SMAD3: variants seen among roughly 807,000 people sequenced by gnomAD.
SMAD3 encodes the protein MAD homolog 3.
In SMAD3, 12 loss-of-function variants were observed where a neutral mutation model predicts 51.8. The observed-to-expected ratio is 0.23, with a 90% CI of 0.15 to 0.38. SMAD3 has a LOEUF of 0.38. SMAD3 is among the 10% of genes least tolerant of loss of function. The pLI is 1.00. For synonymous variants in SMAD3, 238 were observed against 227.7 expected, an observed-to-expected ratio of 1.05 and a Z score of -0.41; for missense variants, 294 against 565.6, an observed-to-expected ratio of 0.52 and a Z score of 4.87.
chr15:67,182,552 C>T (rs1370977932), intron 6 of SMAD3, among the ~76,000 whole-genome samples: 1 of 152,094 alleles, frequency 6.6e-6, no homozygotes, highest in East Asian at 1.9e-4. Context: ...CCTCTGCACT[C>T]GCTTGCTTTA....
At chr15:67,146,759 A>G (rs1309125190) in intron 1 of SMAD3, among the ~76,000 whole-genome samples, 2 of 152,102 alleles carry the variant, frequency 1.3e-5, no homozygotes, top group South Asian at 2.1e-4. Context: ...TTTAAGGTGT[A>G]TGGGGACAAA....
At chr15:67,177,160 G>A (rs1457104749) in intron 5 of SMAD3, among the ~76,000 whole-genome samples, 1 of 152,170 alleles carries the variant, frequency 6.6e-6, no homozygotes, top group African/African-American at 2.4e-5. Flanking sequence ...AAGATTTAAT[G>A]CCAGGACAAA....
chr15:67,070,654 A>G (rs1481248858), intron 1 of SMAD3, among the ~76,000 whole-genome samples: 1 of 150,932 alleles, frequency 6.6e-6, no homozygotes, highest in Admixed American at 6.6e-5. Flanking sequence ...CCCAGCTACC[A>G]GTAGAAATAT....
chr15:67,067,407 C>T (rs1224410692), intron 1 of SMAD3, among the ~76,000 whole-genome samples: 1 of 152,178 alleles, frequency 6.6e-6, no homozygotes. Flanking sequence ...CCTGTCTCTA[C>T]CTCTCAGCCT....
intron 1 of SMAD3, among the ~76,000 whole-genome samples, chr15:67,163,721 G>A (rs544224319): frequency 1.4e-4 from 21 of 152,220 alleles, no homozygotes; most frequent in Non-Finnish European, 2.6e-4. Context: ...TAAGGGCACC[G>A]GGTCATAGCT....
At chr15:67,072,898 C>G (rs539372111) in intron 1 of SMAD3, among the ~76,000 whole-genome samples, 1 of 152,282 alleles carries the variant, frequency 6.6e-6, no homozygotes, top group Non-Finnish European at 1.5e-5. Flanking sequence ...AGAACCGAGA[C>G]AATTCCAAGA....
chr15:67,123,454 G>T (rs1961315058), intron 1 of SMAD3, among the ~76,000 whole-genome samples: 1 of 152,178 alleles, frequency 6.6e-6, no homozygotes, highest in African/African-American at 2.4e-5. Context: ...AGCCAAGATT[G>T]TGCCATCGCA....
intron 1 of SMAD3, among the ~76,000 whole-genome samples, chr15:67,127,128 C>T (rs2140248804): frequency 6.6e-6 from 1 of 152,244 alleles, no homozygotes; most frequent in East Asian, 1.9e-4. Flanking sequence ...CCACCTCGAG[C>T]CTCAAATCAA....
intron 1 of SMAD3, among the ~76,000 whole-genome samples, chr15:67,145,513 G>T (rs2140270516): frequency 6.6e-6 from 1 of 152,342 alleles, no homozygotes; most frequent in East Asian, 1.9e-4. Flanking sequence ...ACATCTTACA[G>T]TGTCCTGACC....
At position 67,100,180 on chromosome 15, in the gene SMAD3, T is replaced by TAAAAAA; in HGVS notation, c.206+33835_206+33840dup. 1.8e-5 allele frequency among the ~76,000 whole-genome samples: 2 copies of TAAAAAA among 109,928 alleles called. 1 individual carries two copies. Among genetic ancestry groups the TAAAAAA allele is most frequent in the Non-Finnish European group, 3.5e-5 (2 of 56,876 alleles). 72.1% of individuals were successfully genotyped at this position (109,928 alleles called of 152,430 possible). A position where few individuals can be genotyped will look rare whatever the true frequency, so the allele number is the denominator to read the frequency against. On this transcript the variant is annotated intron_variant, in intron 1 of 8. Transcript: ENST00000327367. ...TGGGCAACAAGAGCGAAACTCCATC[T>TAAAAAA]AAAAAAAAAAAAAAAAAAAAGGAAT...
intron 5 of SMAD3, among the ~76,000 whole-genome samples, chr15:67,175,469 T>C (rs1962865545): frequency 6.6e-6 from 1 of 152,130 alleles, no homozygotes. Context: ...TTCTTGAGCT[T>C]GGACCCAAGG....
chr15:67,152,156 C>G (rs1002767517), intron 1 of SMAD3, among the ~76,000 whole-genome samples: 1 of 152,138 alleles, frequency 6.6e-6, no homozygotes, highest in African/African-American at 2.4e-5. Context: ...TTACACTTTT[C>G]AGCCTCTAGT....
chr15:67,151,719 G>A (rs777143160), intron 1 of SMAD3, among the ~76,000 whole-genome samples: 1 of 152,074 alleles, frequency 6.6e-6, no homozygotes, highest in Non-Finnish European at 1.5e-5. Context: ...CCATATTCAT[G>A]GGATACATAG....
chr15:67,178,186 G>T (rs1481074830), intron 5 of SMAD3, among the ~76,000 whole-genome samples: 1 of 152,214 alleles, frequency 6.6e-6, no homozygotes, highest in Non-Finnish European at 1.5e-5. Flanking sequence ...TATGACCCCA[G>T]GCCTGTCTTT....
chr15:67,140,265 C>T (rs2140263718), intron 1 of SMAD3, among the ~76,000 whole-genome samples: 1 of 152,358 alleles, frequency 6.6e-6, no homozygotes, highest in South Asian at 2.1e-4. Context: ...CCGCAAAAAC[C>T]TCCTTTCTCT....
intron 1 of SMAD3, among the ~76,000 whole-genome samples, chr15:67,121,485 G>A (rs931108116): frequency 6.6e-6 from 1 of 152,226 alleles, no homozygotes; most frequent in Non-Finnish European, 1.5e-5. Context: ...AGATGGGCGG[G>A]GGGTGGCTGC....
intron 5 of SMAD3, among the ~76,000 whole-genome samples, chr15:67,172,324 G>A (rs556484262): frequency 1.3e-5 from 2 of 152,372 alleles, no homozygotes; most frequent in East Asian, 1.9e-4. Context: ...CTTTGCACTG[G>A]CCTAGTTGCA....
At chr15:67,085,451 T>C (rs1566963038) in intron 1 of SMAD3, among the ~76,000 whole-genome samples, 2 of 152,244 alleles carry the variant, frequency 1.3e-5, no homozygotes, top group Admixed American at 6.5e-5. Flanking sequence ...TTCAAAGAAA[T>C]GACTCTATTA....
At chr15:67,072,898 CA>C (rs78918439) in intron 1 of SMAD3, among the ~76,000 whole-genome samples, 13,529 of 152,270 alleles carry the variant, frequency 0.089, 705 homozygotes, top group South Asian at 0.15. Context: ...AGAACCGAGA[CA>C]ATTCCAAGAG....
Sources: gnomAD v4.1 joint callset for allele counts (sites outside exome capture counted in the v4.1 genomes callset) on GRCh38, gnomAD v4.1.1 for gene constraint, MANE v1.5 for transcripts, NCBI Gene and HGNC (gene_info 2026-07-23, HGNC 2026-07-21) for gene names.